Variants in SUCLG1 observed in about 807,000 individuals in gnomAD.
SUCLG1 encodes the protein succinate--CoA ligase [ADP/GDP-forming] subunit alpha, mitochondrial.
SUCLG1 carries 26 observed loss-of-function variants against 37.3 expected under a neutral mutation model. The observed-to-expected ratio is 0.70, with a 90% confidence interval of 0.51 to 0.97. SUCLG1 has a LOEUF of 0.97. Among genes scored for constraint, SUCLG1 ranks in the 50% least tolerant of loss-of-function variants. The pLI is 0.00. For missense variants in SUCLG1, 433 were observed against 432.9 expected (o/e 1.00, Z 0.00); for synonymous variants, 163 against 155.6 (o/e 1.05, Z -0.36).
Position 84,443,206 on chromosome 2 carries a change from AATT to A in SUCLG1, c.318+75_318+77del. ...GCAAGTGACTCTACCAAAAAAACAT[AATT>A]AAGATCTCTACCCAAAGAATGCTCG... is the stretch of plus-strand genomic sequence containing the variant. On this transcript the variant is annotated intron_variant, in intron 3 of 8. Transcript: ENST00000393868. 4 of 1,285,754 alleles carry A rather than the reference AATT, an allele frequency of 3.1e-6. No individual in the cohort carries two copies. In the South Asian group the frequency reaches 4.8e-5, roughly 15 times the overall value. The allele number at this position is 1,285,754 out of a possible 1,614,324, so 79.6% of individuals were successfully genotyped here.
Position 84,459,274 on chromosome 2 carries a change from C to G in SUCLG1, c.-5G>C. On this transcript the variant is annotated 5_prime_UTR_variant, in exon 1 of 9. Transcript: ENST00000393868. ...AGCGGCAAGGGTTGCGGTCATACGC[C>G]AATGACACTCCCAGGCCCCCGGGGA... 1 of 1,550,610 alleles carries G rather than the reference C, an allele frequency of 6.4e-7. No individual in the cohort carries two copies. The highest frequency in any genetic ancestry group is 8.7e-7 in the Non-Finnish European group (1 of 1,146,724).
intron 3 of SUCLG1, among the ~76,000 whole-genome samples, chr2:84,442,442 C>A (rs992038147): frequency 6.6e-6 from 1 of 152,046 alleles, no homozygotes; most frequent in Non-Finnish European, 1.5e-5. Flanking sequence ...AAATTAAATA[C>A]CCAAGAATTT....
chr2:84,432,703 A>G (rs1672629387), intron 6 of SUCLG1: 1 of 152,330 alleles, frequency 6.6e-6, no homozygotes, highest in Non-Finnish European at 1.5e-5. Context: ...CGTAAAGATA[A>G]TTCTAAAACA....
At chr2:84,442,866 C>T (rs994582155) in intron 3 of SUCLG1, among the ~76,000 whole-genome samples, 20 of 152,106 alleles carry the variant, frequency 1.3e-4, no homozygotes, top group African/African-American at 4.6e-4. Flanking sequence ...CTAGTAACAT[C>T]GTTATCTTTA....
chr2:84,447,689 G>A (rs886551071), intron 2 of SUCLG1, among the ~76,000 whole-genome samples: 1 of 152,148 alleles, frequency 6.6e-6, no homozygotes, highest in East Asian at 1.9e-4. Context: ...TCCTTAGAAT[G>A]TATATAAGGG....
chr2:84,433,687 C>T, intron 5 of SUCLG1: 2 of 503,484 alleles, frequency 4.0e-6, no homozygotes, highest in South Asian at 4.3e-5. Flanking sequence ...ACTATAAAAA[C>T]AATGCAAGAA....
chr2:84,451,496 C>T (rs544470464), intron 1 of SUCLG1, among the ~76,000 whole-genome samples: 17 of 152,282 alleles, frequency 1.1e-4, no homozygotes, highest in African/African-American at 3.6e-4. Flanking sequence ...GCAGAAGTCA[C>T]CCTGAGAAAA....
intron 8 of SUCLG1, among the ~76,000 whole-genome samples, chr2:84,424,181 A>G (rs1267356492): frequency 6.6e-6 from 1 of 152,252 alleles, no homozygotes; most frequent in Non-Finnish European, 1.5e-5. Flanking sequence ...CTCAGAGAAT[A>G]AAGCTAAAGA....
intron 5 of SUCLG1, among the ~76,000 whole-genome samples, chr2:84,440,430 C>G (rs1009307523): frequency 5.9e-5 from 9 of 152,204 alleles, no homozygotes; most frequent in Non-Finnish European, 1.2e-4. Context: ...AAGTGGAACT[C>G]TCCTACATTA....
Position 84,423,634 on chromosome 2 carries a change from A to C in SUCLG1, c.*112T>G, listed in dbSNP as rs1672489828. 9.1e-7 allele frequency: 1 copy of C among 1,098,938 alleles called. No individual in the cohort carries two copies. The highest frequency in any genetic ancestry group is 2.0e-5 in the Admixed American group (1 of 50,542). 68.1% of individuals were successfully genotyped at this position (1,098,938 alleles called of 1,614,324 possible). On this transcript the variant is annotated 3_prime_UTR_variant, in exon 9 of 9. Transcript: ENST00000393868. Reference sequence around the variant, plus strand: ...TGTTTTGGCTTCCAGTTGTACTGCAAGACCAGTGTCAGGCACATAGGCTGA... The same window carrying C: ...TGTTTTGGCTTCCAGTTGTACTGCACGACCAGTGTCAGGCACATAGGCTGA...
chr2:84,441,590 C>T, intron 3 of SUCLG1, 131 bp from the exon 4 acceptor site: 1 of 1,073,506 alleles, frequency 9.3e-7, no homozygotes, highest in Non-Finnish European at 1.4e-6. Context: ...GCATTCTTCC[C>T]ATTCTCAAAT....
chr2:84,448,170 GAA>G (rs60206307), intron 2 of SUCLG1, among the ~76,000 whole-genome samples: 54 of 137,690 alleles, frequency 3.9e-4, no homozygotes, highest in Non-Finnish European at 5.0e-4. Context: ...AGTTATTTCA[GAA>G]AAAAAAAAAA....
intron 5 of SUCLG1, among the ~76,000 whole-genome samples, chr2:84,436,301 A>T (rs1672686351): frequency 6.6e-6 from 1 of 152,246 alleles, no homozygotes; most frequent in African/African-American, 2.4e-5. Flanking sequence ...TGCTTTTTAA[A>T]AAACAAAAAT....
intron 6 of SUCLG1, among the ~76,000 whole-genome samples, chr2:84,433,043 A>G (rs1470671666): frequency 6.6e-6 from 1 of 152,212 alleles, no homozygotes; most frequent in Non-Finnish European, 1.5e-5. Context: ...AATGATAACA[A>G]AAGTCCTAAT....
intron 3 of SUCLG1, among the ~76,000 whole-genome samples, chr2:84,442,566 G>A (rs1008862862): frequency 6.6e-6 from 1 of 152,116 alleles, no homozygotes; most frequent in South Asian, 2.1e-4. Context: ...GGCAAAATCT[G>A]AGATTTCGAA....
intron 7 of SUCLG1, 23 bp downstream of exon 7, chr2:84,431,485 T>C (rs1475000335): frequency 1.2e-6 from 2 of 1,613,820 alleles, no homozygotes; most frequent in Non-Finnish European, 1.7e-6. Context: ...CAAAGAGCTA[T>C]GTTTTTCCAA....
chr2:84,430,269 T>C lies in SUCLG1; in HGVS notation c.825+1239A>G, dbSNP rs762904329. Among the ~76,000 whole-genome samples the C allele has an allele frequency of 1.1e-4, 17 of 152,164 alleles. 1 individual carries two copies. The highest frequency in any genetic ancestry group is 4.6e-4 in the Admixed American group (7 of 15,282). On this transcript the variant is annotated intron_variant, in intron 7 of 8. Transcript: ENST00000393868. ...TACTTTGCTATACGTTACTAAGTCA[T>C]TTAAACTTCGCAGTCCTTACAATAA...
chr2:84,433,695 G>A, intron 5 of SUCLG1: 2 of 483,002 alleles, frequency 4.1e-6, no homozygotes, highest in Non-Finnish European at 7.5e-6. Context: ...AACAATGCAA[G>A]AAAGACTTAA....
At chr2:84,429,129 T>C (rs1672579015) in intron 7 of SUCLG1, among the ~76,000 whole-genome samples, 1 of 152,194 alleles carries the variant, frequency 6.6e-6, no homozygotes, top group Admixed American at 6.5e-5. Flanking sequence ...ACTAGGCATT[T>C]TATATAATGC....
Sources: gnomAD v4.1 joint callset for allele counts (sites outside exome capture counted in the v4.1 genomes callset) on GRCh38, gnomAD v4.1.1 for gene constraint, MANE v1.5 for transcripts, NCBI Gene and HGNC (gene_info 2026-07-23, HGNC 2026-07-21) for gene names.